Variants in DAAM1 observed in about 807,000 individuals in gnomAD.
The protein encoded by DAAM1 is disheveled-associated activator of morphogenesis 1.
In DAAM1, 52 loss-of-function variants were observed where a neutral mutation model predicts 130.0. That is an observed-to-expected ratio of 0.40 (90% CI 0.32 to 0.50). DAAM1 has a LOEUF of 0.50. Among genes scored for constraint, DAAM1 ranks in the 20% least tolerant of loss-of-function variants. The pLI, the probability that DAAM1 is intolerant of heterozygous loss-of-function variation, is 0.61. For synonymous variants in DAAM1, 452 were observed against 444.5 expected (o/e 1.02, Z -0.21); for missense variants, 1,134 against 1,303.8 (o/e 0.87, Z 2.01).
chr14:59,213,185 A>T (rs1888479273), intron 1 of DAAM1, among the ~76,000 whole-genome samples: 1 of 152,042 alleles, frequency 6.6e-6, no homozygotes, highest in African/African-American at 2.4e-5. Context: ...AGTGGTTTTC[A>T]TATTATGTGC....
chr14:59,197,079 C>A (rs1245269676), intron 1 of DAAM1, among the ~76,000 whole-genome samples: 1 of 152,116 alleles, frequency 6.6e-6, no homozygotes, highest in African/African-American at 2.4e-5. Context: ...TGCCACCACG[C>A]CTGGCTAGTT....
chr14:59,254,278 A>C (rs1470119308), intron 1 of DAAM1, among the ~76,000 whole-genome samples: 2 of 152,184 alleles, frequency 1.3e-5, no homozygotes, highest in East Asian at 3.8e-4. Context: ...TGCTGGCCTT[A>C]GTCTCAGATT....
At chr14:59,191,077 C>A (rs1887715860) in intron 1 of DAAM1, among the ~76,000 whole-genome samples, 1 of 152,152 alleles carries the variant, frequency 6.6e-6, no homozygotes, top group African/African-American at 2.4e-5. Flanking sequence ...TGTTTCCCCT[C>A]TGCTTGCATT....
At chr14:59,348,791 C>G (rs1477844380) in intron 17 of DAAM1, among the ~76,000 whole-genome samples, 1 of 152,166 alleles carries the variant, frequency 6.6e-6, no homozygotes, top group Non-Finnish European at 1.5e-5. Flanking sequence ...TCGAAGGTCT[C>G]AGACACCATG....
At chr14:59,347,653 A>G (rs753037849) in intron 17 of DAAM1, 30 bp downstream of exon 17, 2 of 1,604,448 alleles carry the variant, frequency 1.2e-6, no homozygotes, top group Non-Finnish European at 1.7e-6. Context: ...TGAGAGCAGA[A>G]GTGAAAAGCG....
At chr14:59,280,298 CA>C (rs1402151006) in intron 2 of DAAM1, among the ~76,000 whole-genome samples, 5 of 152,084 alleles carry the variant, frequency 3.3e-5, no homozygotes, top group African/African-American at 1.2e-4. Context: ...GGGCATGTGC[CA>C]TGGCCCATGC....
chr14:59,201,108 C>T (rs575283297), intron 1 of DAAM1, among the ~76,000 whole-genome samples: 5 of 129,590 alleles, frequency 3.9e-5, no homozygotes, highest in Admixed American at 1.9e-4. Flanking sequence ...TTGCAGTGAG[C>T]GGAGGTTGTG....
At chr14:59,365,565 A>G (rs911359209) in intron 23 of DAAM1, among the ~76,000 whole-genome samples, 2 of 152,238 alleles carry the variant, frequency 1.3e-5, no homozygotes, top group Non-Finnish European at 2.9e-5. Flanking sequence ...AAGATATGAA[A>G]TAGTAACTGT....
At chr14:59,261,431 CCAATTATGACATATGTCT>C (rs1479147581) in intron 1 of DAAM1, among the ~76,000 whole-genome samples, 1 of 152,104 alleles carries the variant, frequency 6.6e-6, no homozygotes, top group Non-Finnish European at 1.5e-5. Flanking sequence ...CAAAGGAATC[CCAATTATGACATATGTCT>C]CAGTATGACC....
At chr14:59,268,057 T>G (rs935171017) in intron 2 of DAAM1, among the ~76,000 whole-genome samples, 1 of 151,968 alleles carries the variant, frequency 6.6e-6, no homozygotes, top group African/African-American at 2.4e-5. Context: ...CACGCACCAC[T>G]GCGCCCAGCT....
intron 3 of DAAM1, among the ~76,000 whole-genome samples, chr14:59,294,640 A>G (rs917667049): frequency 6.6e-6 from 1 of 152,054 alleles, no homozygotes; most frequent in Non-Finnish European, 1.5e-5. Context: ...CAAATAGGAA[A>G]TGTTTGTGGT....
At chr14:59,292,373 G>A (rs1883777122) in intron 3 of DAAM1, among the ~76,000 whole-genome samples, 1 of 152,148 alleles carries the variant, frequency 6.6e-6, no homozygotes, top group African/African-American at 2.4e-5. Context: ...GGCCCATGTG[G>A]CATCTCTCAG....
chr14:59,275,188 G>A (rs968767794), intron 2 of DAAM1, among the ~76,000 whole-genome samples: 1 of 152,118 alleles, frequency 6.6e-6, no homozygotes, highest in African/African-American at 2.4e-5. Context: ...CTTTACAGCT[G>A]GTGCTGTATC....
intron 2 of DAAM1, among the ~76,000 whole-genome samples, chr14:59,275,589 A>G (rs1413958975): frequency 6.6e-6 from 1 of 152,222 alleles, no homozygotes; most frequent in Non-Finnish European, 1.5e-5. Context: ...GGTGATGCAG[A>G]CTATTAAAAC....
At chr14:59,318,800 A>C (rs528402599) in intron 4 of DAAM1, among the ~76,000 whole-genome samples, 1 of 152,176 alleles carries the variant, frequency 6.6e-6, no homozygotes, top group Non-Finnish European at 1.5e-5. Flanking sequence ...ATTTTCTTTG[A>C]CATTTCATAA....
chr14:59,257,938 AG>A (rs1168932985), intron 1 of DAAM1, among the ~76,000 whole-genome samples: 1 of 152,206 alleles, frequency 6.6e-6, no homozygotes, highest in African/African-American at 2.4e-5. Flanking sequence ...GCATGTGGTC[AG>A]GAGAGGCCAT....
chr14:59,364,733 CAGTTAA>C (rs1298212582), intron 23 of DAAM1, among the ~76,000 whole-genome samples: 29 of 152,116 alleles, frequency 1.9e-4, no homozygotes. Context: ...ACACACATAC[CAGTTAA>C]AGTTCAAAAG....
intron 16 of DAAM1, among the ~76,000 whole-genome samples, chr14:59,346,834 TAGAC>T (rs1886099950): frequency 6.6e-6 from 1 of 152,208 alleles, no homozygotes; most frequent in South Asian, 2.1e-4. Flanking sequence ...ATGTTGATGG[TAGAC>T]AGAAAAAGAG....
At chr14:59,246,144 T>G (rs2139472096) in intron 1 of DAAM1, among the ~76,000 whole-genome samples, 1 of 152,316 alleles carries the variant, frequency 6.6e-6, no homozygotes, top group Non-Finnish European at 1.5e-5. Context: ...TTCACATTGT[T>G]GTGAAACATA....
Sources: gnomAD v4.1 joint callset for allele counts (sites outside exome capture counted in the v4.1 genomes callset) on GRCh38, gnomAD v4.1.1 for gene constraint, MANE v1.5 for transcripts, NCBI Gene and HGNC (gene_info 2026-07-23, HGNC 2026-07-21) for gene names.